UBE2W: variants seen among roughly 807,000 people sequenced by gnomAD.
The protein encoded by UBE2W is ubiquitin-conjugating enzyme E2 W.
UBE2W carries 18 observed loss-of-function variants against 27.2 expected under a neutral mutation model. The observed-to-expected ratio is 0.66, with a 90% CI of 0.46 to 0.98. The LOEUF (loss-of-function observed/expected upper bound fraction) is 0.98. Ranked by LOEUF, UBE2W falls within the 50% of genes least tolerant of loss-of-function variation. The pLI is 0.00. For missense variants in UBE2W, 90 were observed against 180.2 expected, an observed-to-expected ratio of 0.50 and a Z score of 2.87; for synonymous variants, 53 against 57.2, an observed-to-expected ratio of 0.93 and a Z score of 0.33.
intron 1 of UBE2W, among the ~76,000 whole-genome samples, chr8:73,854,183 T>C (rs1410719225): frequency 6.6e-6 from 1 of 151,898 alleles, no homozygotes. Flanking sequence ...AAAATATTGA[T>C]TCTATGACTT....
intron 5 of UBE2W, among the ~76,000 whole-genome samples, chr8:73,799,647 C>T (rs927623987): frequency 2.0e-5 from 3 of 152,330 alleles, no homozygotes; most frequent in African/African-American, 7.2e-5. Context: ...AACACTGACT[C>T]ACCTTGACCC....
At chr8:73,835,138 G>A (rs1437169878) in intron 1 of UBE2W, among the ~76,000 whole-genome samples, 2 of 150,968 alleles carry the variant, frequency 1.3e-5, no homozygotes, top group African/African-American at 2.4e-5. Flanking sequence ...ACTACCAAGC[G>A]AAACACAAGA....
intron 5 of UBE2W, among the ~76,000 whole-genome samples, chr8:73,797,967 A>G (rs1271023037): frequency 6.6e-6 from 1 of 152,140 alleles, no homozygotes; most frequent in Non-Finnish European, 1.5e-5. Flanking sequence ...AACAGTTAAA[A>G]CTCTGTTTCA....
intron 3 of UBE2W, among the ~76,000 whole-genome samples, chr8:73,819,792 A>G (rs1586475363): frequency 6.6e-6 from 1 of 152,214 alleles, no homozygotes; most frequent in Non-Finnish European, 1.5e-5. Context: ...GACATAAAAT[A>G]TAACTGGCAG....
chr8:73,859,666 A>C (rs182594065), intron 1 of UBE2W, among the ~76,000 whole-genome samples: 10 of 152,226 alleles, frequency 6.6e-5, no homozygotes, highest in South Asian at 2.1e-4. Context: ...ATTAGTACTT[A>C]AGTTTTTGGG....
chr8:73,792,105 C>T lies in UBE2W; in HGVS notation c.*1997G>A, dbSNP rs548688486. ...GTCAAACAGTAGTGTAGAGCAGTTA[C>T]GCAAAATATGAAAATACATAATTTA... On this transcript the variant is annotated 3_prime_UTR_variant, in exon 6 of 6. Coordinates refer to ENST00000602593, the MANE Select transcript of UBE2W (RefSeq NM_018299.6). 244 of 985,014 alleles carry T rather than the reference C, an allele frequency of 2.5e-4. No homozygotes were observed. Among genetic ancestry groups the T allele is most frequent in the South Asian group, 8.0e-4 (17 of 21,266 alleles). The allele number at this position is 985,014 out of a possible 1,614,324, so 61.0% of individuals were successfully genotyped here. A position where few individuals can be genotyped will look rare whatever the true frequency, so the allele number is the denominator to read the frequency against.
At chr8:73,797,581 T>C (rs1051215629) in intron 5 of UBE2W, among the ~76,000 whole-genome samples, 2 of 152,208 alleles carry the variant, frequency 1.3e-5, no homozygotes, top group African/African-American at 2.4e-5. Context: ...GGTAAATCTA[T>C]GGACAGCAAC....
chr8:73,857,915 T>G (rs1376561772), intron 1 of UBE2W, among the ~76,000 whole-genome samples: 1 of 152,156 alleles, frequency 6.6e-6, no homozygotes, highest in Non-Finnish European at 1.5e-5. Context: ...CATAGAATGA[T>G]TCTGAGATTT....
At chr8:73,842,936 A>G (rs968651819) in intron 1 of UBE2W, among the ~76,000 whole-genome samples, 2 of 152,236 alleles carry the variant, frequency 1.3e-5, no homozygotes, top group African/African-American at 2.4e-5. Context: ...CCAAATGCCC[A>G]CTAACTGAAG....
At chr8:73,828,352 T>C (rs944834797) in intron 2 of UBE2W, among the ~76,000 whole-genome samples, 15 of 141,610 alleles carry the variant, frequency 1.1e-4, no homozygotes, top group Non-Finnish European at 3.2e-5. Flanking sequence ...AAGGTAATTA[T>C]AACTATACAA....
chr8:73,805,561 GCTTCT>G, intron 5 of UBE2W, 85 bp downstream of exon 5: 1 of 629,338 alleles, frequency 1.6e-6, no homozygotes, highest in Non-Finnish European at 2.4e-6. Context: ...ACCAATTATA[GCTTCT>G]CTTCTTTTTC....
Position 73,786,974 on chromosome 8 carries a change from T to C in UBE2W, c.*7128A>G, listed in dbSNP as rs896828521. On this transcript the variant is annotated 3_prime_UTR_variant, in exon 6 of 6. Coordinates refer to ENST00000602593, the MANE Select transcript of UBE2W (RefSeq NM_018299.6). ...TACAGCCATCTATATTAGGATCTTG[T>C]CTAATGACATATATTCACCCACATT... 14 of 985,336 alleles carry C rather than the reference T, an allele frequency of 1.4e-5. No homozygotes were observed. The highest frequency in any genetic ancestry group is 1.6e-5 in the Non-Finnish European group (13 of 829,940). 61.0% of individuals were successfully genotyped at this position (985,336 alleles called of 1,614,324 possible). A position where few individuals can be genotyped will look rare whatever the true frequency, so the allele number is the denominator to read the frequency against.
intron 3 of UBE2W, among the ~76,000 whole-genome samples, chr8:73,820,775 AC>A (rs778243299): frequency 0.036 from 5,471 of 151,532 alleles, 305 homozygotes; most frequent in African/African-American, 0.12. Flanking sequence ...AAACAAACAA[AC>A]AAACAAAAAA....
intron 1 of UBE2W, among the ~76,000 whole-genome samples, chr8:73,863,165 C>T (rs1203697269): frequency 4.9e-5 from 7 of 143,710 alleles, no homozygotes; most frequent in Non-Finnish European, 8.8e-5. Context: ...ATAGCAAAGA[C>T]GTGGAACCAA....
chr8:73,789,125 T>C lies in UBE2W; in HGVS notation c.*4977A>G, dbSNP rs373857099. 1.0e-5 allele frequency: 10 copies of C among 984,964 alleles called. No individual in the cohort carries two copies. Among genetic ancestry groups the C allele is most frequent in the African/African-American group, 7.0e-5 (4 of 57,242 alleles). 61.0% of individuals were successfully genotyped at this position (984,964 alleles called of 1,614,324 possible). A position where few individuals can be genotyped will look rare whatever the true frequency, so the allele number is the denominator to read the frequency against. ...GATAGAGAGCTAAGTTTCAAGTACA[T>C]GTCTAGATTCTATGTGCCTCTAATG... On this transcript the variant is annotated 3_prime_UTR_variant, in exon 6 of 6. Transcript: ENST00000602593.
intron 2 of UBE2W, among the ~76,000 whole-genome samples, chr8:73,827,157 G>C (rs1348418198): frequency 6.6e-6 from 1 of 152,020 alleles, no homozygotes; most frequent in African/African-American, 2.4e-5. Context: ...ATATCTGCAT[G>C]ACATGCAGAT....
chr8:73,843,506 T>C (rs1810633845), intron 1 of UBE2W, among the ~76,000 whole-genome samples: 1 of 151,980 alleles, frequency 6.6e-6, no homozygotes, highest in Non-Finnish European at 1.5e-5. Flanking sequence ...GGTGGTGGTA[T>C]GCACCTGTAG....
chr8:73,811,885 G>A (rs1809167200), intron 3 of UBE2W, among the ~76,000 whole-genome samples: 1 of 151,882 alleles, frequency 6.6e-6, no homozygotes, highest in African/African-American at 2.4e-5. Flanking sequence ...AGGTAAATAT[G>A]AATAGAATAA....
chr8:73,849,454 G>A (rs1292606531), intron 1 of UBE2W, among the ~76,000 whole-genome samples: 2 of 130,564 alleles, frequency 1.5e-5, no homozygotes, highest in African/African-American at 5.8e-5. Flanking sequence ...GGAGATTGTA[G>A]TGAGCCAAGA....
Sources: gnomAD v4.1 joint callset for allele counts (sites outside exome capture counted in the v4.1 genomes callset) on GRCh38, gnomAD v4.1.1 for gene constraint, MANE v1.5 for transcripts, NCBI Gene and HGNC (gene_info 2026-07-23, HGNC 2026-07-21) for gene names.